POU6F2: variants seen among roughly 807,000 people sequenced by gnomAD.
The protein encoded by POU6F2 is POU class 6 homeobox 2.
POU6F2 carries 31 observed loss-of-function variants against 71.3 expected under a neutral mutation model. The observed-to-expected ratio is 0.43, with a 90% CI of 0.33 to 0.59. The LOEUF (loss-of-function observed/expected upper bound fraction) is 0.59. POU6F2 is among the 20% of genes least tolerant of loss of function. The pLI is 0.04. For missense variants in POU6F2, 783 were observed against 856.8 expected, an observed-to-expected ratio of 0.91 and a Z score of 1.07; for synonymous variants, 347 against 355.7, an observed-to-expected ratio of 0.98 and a Z score of 0.27.
intron 1 of POU6F2, among the ~76,000 whole-genome samples, chr7:39,043,597 G>A (rs556326611): frequency 1.3e-5 from 2 of 152,084 alleles, no homozygotes; most frequent in East Asian, 3.9e-4. Context: ...TATATAAGGT[G>A]TCACACTGGA....
rs1562768312 is a variant in POU6F2 at position 39,262,754 on chromosome 7, T to TTG, written c.598+55135_598+55136insGT. Among the ~76,000 whole-genome samples the TTG allele has an allele frequency of 3.6e-4, 52 of 145,104 alleles. No individual in the cohort carries two copies. In the South Asian group the frequency reaches 7.0e-3, roughly 20 times the overall value. On this transcript the variant is annotated intron_variant, in intron 4 of 9. Transcript: ENST00000518318. ...GTTGTAGTTTGTTGTTGTTGTTGTTTTTTCCAACCAACATGAATCACGGAG... is the reference window on the plus strand; with the variant it reads ...GTTGTAGTTTGTTGTTGTTGTTGTTTTGTTTCCAACCAACATGAATCACGGAG...
chr7:39,432,997 G>C (rs1359820612), intron 6 of POU6F2, 80 bp from the exon 7 acceptor site: 1 of 1,436,014 alleles, frequency 7.0e-7, no homozygotes, highest in East Asian at 2.4e-5. Context: ...ATCCTAGAGA[G>C]ACCAGGCACT....
chr7:39,290,334 T>G (rs1784728341), intron 4 of POU6F2, among the ~76,000 whole-genome samples: 1 of 152,088 alleles, frequency 6.6e-6, no homozygotes, highest in Non-Finnish European at 1.5e-5. Flanking sequence ...TTCGCTTGAG[T>G]AGCTCCCTGG....
At chr7:39,404,306 C>T (rs1273943274) in intron 5 of POU6F2, among the ~76,000 whole-genome samples, 1 of 152,172 alleles carries the variant, frequency 6.6e-6, no homozygotes, top group East Asian at 1.9e-4. Flanking sequence ...CAGCAAACTG[C>T]ATGGGACTAT....
Position 39,207,549 on chromosome 7 carries a change from C to A in POU6F2, c.527C>A (p.Thr176Asn). 1 of 1,614,046 alleles carries A rather than the reference C, an allele frequency of 6.2e-7. No individual in the cohort carries two copies. Among genetic ancestry groups the A allele is most frequent in the African/African-American group, 1.3e-5 (1 of 75,080 alleles). The part of the protein sequence containing the change: ...LVLTLPTANL[T>N]NIQGLVAAAA... ...CTCACACTGCCAACAGCGAATCTCACCAACATCCAAGGGCTGGTGGCAGCA... is the reference window on the plus strand; with the variant it reads ...CTCACACTGCCAACAGCGAATCTCAACAACATCCAAGGGCTGGTGGCAGCA... Residue 176 changes from threonine to asparagine, a missense_variant, in exon 4 of 10, where the codon ACC (threonine) becomes AAC (asparagine). Thr to Asn is a moderately conservative substitution (Grantham distance 65). Coordinates refer to ENST00000518318, the MANE Select transcript of POU6F2 (RefSeq NM_001370959.1).
In POU6F2 at chr7:39,460,998, C is replaced by T. The variant is rs1237981122; in HGVS notation, c.1658+283C>T. 8.5e-5 allele frequency among the ~76,000 whole-genome samples: 13 copies of T among 152,168 alleles called. No individual in the cohort carries two copies. Among genetic ancestry groups the T allele is most frequent in the Admixed American group, 8.5e-4 (13 of 15,276 alleles). On this transcript the variant is annotated intron_variant, in intron 9 of 9. Transcript: ENST00000518318. The surrounding 1 kb of genome is among the most constrained non-coding windows in gnomAD (Gnocchi z 4.4). ...AGGGTCAGGGGCCTTCCTCCTGGGC[C>T]CACACTCCTATGCAGCTGAGAGCCA... is the stretch of plus-strand genomic sequence containing the variant.
At chr7:39,387,066 A>G (rs971177562) in intron 5 of POU6F2, among the ~76,000 whole-genome samples, 2 of 152,206 alleles carry the variant, frequency 1.3e-5, no homozygotes, top group Non-Finnish European at 2.9e-5. Flanking sequence ...TGGTAGGTTG[A>G]ACTGCCATGC....
intron 1 of POU6F2, among the ~76,000 whole-genome samples, chr7:39,047,057 A>G (rs1360331590): frequency 1.3e-5 from 2 of 151,916 alleles, no homozygotes; most frequent in Non-Finnish European, 2.9e-5. Context: ...CCATTAACCT[A>G]TATACATACA....
intron 4 of POU6F2, among the ~76,000 whole-genome samples, chr7:39,315,555 T>G (rs1163871941): frequency 6.6e-6 from 1 of 152,210 alleles, no homozygotes; most frequent in Non-Finnish European, 1.5e-5. Flanking sequence ...CTCTCCTCCA[T>G]CCTCCGGCAG....
chr7:39,192,202 A>G (rs1437661514), intron 2 of POU6F2, among the ~76,000 whole-genome samples: 1 of 152,124 alleles, frequency 6.6e-6, no homozygotes, highest in Admixed American at 6.5e-5. Context: ...GGGGGTAGGT[A>G]TTTCCTTCCT....
chr7:39,367,280 A>C (rs557942457), intron 5 of POU6F2, among the ~76,000 whole-genome samples: 3 of 152,372 alleles, frequency 2.0e-5, no homozygotes, highest in African/African-American at 7.2e-5. Context: ...CAAATATACA[A>C]TGATCTTGGG....
chr7:39,371,346 ATTT>A (rs915642816), intron 5 of POU6F2, among the ~76,000 whole-genome samples: 10 of 151,978 alleles, frequency 6.6e-5, no homozygotes, highest in Non-Finnish European at 1.2e-4. Flanking sequence ...CACCCAGCTA[ATTT>A]TTTTGTATTT....
In POU6F2 at chr7:39,170,003, C is replaced by T. The variant is rs1052546963; in HGVS notation, c.278-34232C>T. Among the ~76,000 whole-genome samples, 10 of 152,030 alleles carry T rather than the reference C, an allele frequency of 6.6e-5. No homozygotes were observed. In the East Asian group the frequency reaches 7.7e-4, roughly 12 times the overall value. On this transcript the variant is annotated intron_variant, in intron 2 of 9. Transcript: ENST00000518318. Reference sequence around the variant, plus strand: ...TTCGAGACCAGCCTGGCCAACATGGCGAAACCCTGTTTCTACTAGCCGGGC... The same window carrying T: ...TTCGAGACCAGCCTGGCCAACATGGTGAAACCCTGTTTCTACTAGCCGGGC...
At chr7:39,156,945 C>A (rs1373280831) in intron 2 of POU6F2, among the ~76,000 whole-genome samples, 1 of 152,132 alleles carries the variant, frequency 6.6e-6, no homozygotes, top group African/African-American at 2.4e-5. Context: ...GAATGGTTTT[C>A]TTCATGGTCA....
At chr7:39,156,842 T>G (rs984192550) in intron 2 of POU6F2, among the ~76,000 whole-genome samples, 1 of 152,194 alleles carries the variant, frequency 6.6e-6, no homozygotes, top group Non-Finnish European at 1.5e-5. Context: ...GGGAGGAATG[T>G]CTAGATTTCA....
At chr7:39,434,834 C>T (rs1224001194) in intron 7 of POU6F2, among the ~76,000 whole-genome samples, 1 of 152,012 alleles carries the variant, frequency 6.6e-6, no homozygotes, top group Non-Finnish European at 1.5e-5. Context: ...CTCTCTGTGT[C>T]CATCTGTTCT....
At chr7:39,264,409 T>C (rs1784202497) in intron 4 of POU6F2, among the ~76,000 whole-genome samples, 1 of 152,214 alleles carries the variant, frequency 6.6e-6, no homozygotes, top group Admixed American at 6.5e-5. Flanking sequence ...ATCCCTGTTA[T>C]AATGAAGATT....
chr7:39,403,783 G>C (rs888716770), intron 5 of POU6F2, among the ~76,000 whole-genome samples: 1 of 152,142 alleles, frequency 6.6e-6, no homozygotes, highest in Non-Finnish European at 1.5e-5. Context: ...TTACATCCCT[G>C]CCTTGGCAGT....
At chr7:39,323,110 T>A (rs1283392964) in intron 4 of POU6F2, among the ~76,000 whole-genome samples, 4 of 147,304 alleles carry the variant, frequency 2.7e-5, no homozygotes, top group Non-Finnish European at 6.0e-5. Context: ...ACAGGAAGAT[T>A]TAAAAAAAAA....
Sources: allele counts gnomAD v4.1 joint callset (sites outside exome capture counted in the v4.1 genomes callset), GRCh38; gene constraint gnomAD v4.1.1; non-coding constraint Gnocchi (gnomAD v3.1); transcripts MANE v1.5; gene names NCBI Gene and HGNC (gene_info 2026-07-23, HGNC 2026-07-21).